RASSF4: variants seen among roughly 807,000 people sequenced by gnomAD.
RASSF4 encodes the protein Ras association domain family member 4.
RASSF4 carries 38 observed loss-of-function variants against 41.1 expected under a neutral mutation model. The observed-to-expected ratio is 0.92, with a 90% CI of 0.71 to 1.21. RASSF4 has a LOEUF of 1.21. Ranked by LOEUF, RASSF4 falls within the 50% of genes most tolerant of loss-of-function variation. The pLI, the probability that RASSF4 is intolerant of heterozygous loss-of-function variation, is 0.00. For missense variants in RASSF4, 414 were observed against 419.4 expected (o/e 0.99, Z 0.11); for synonymous variants, 179 against 163.4 (o/e 1.10, Z -0.73).
In RASSF4 at chr10:44,993,145, C is replaced by A. The variant is rs1027500167; in HGVS notation, c.906-124C>A. 5 of 765,712 alleles carry A rather than the reference C, an allele frequency of 6.5e-6. No individual in the cohort carries two copies. In the African/African-American group the frequency reaches 8.6e-5, roughly 13 times the overall value. 47.4% of individuals were successfully genotyped at this position (765,712 alleles called of 1,614,324 possible). ...AGGCCACAGCCTTCCCCCTCCTTGGCAGAGGAGAGATGAGGCTGCTGCAGG... is the reference window on the plus strand; with the variant it reads ...AGGCCACAGCCTTCCCCCTCCTTGGAAGAGGAGAGATGAGGCTGCTGCAGG... On this transcript the variant is annotated intron_variant, in intron 10 of 10. Coordinates refer to ENST00000340258, the MANE Select transcript of RASSF4 (RefSeq NM_032023.4).
chr10:44,981,502 A>G (rs1157235799), intron 3 of RASSF4: 1 of 152,246 alleles, frequency 6.6e-6, no homozygotes, highest in Non-Finnish European at 1.5e-5. Context: ...ATAAAACATA[A>G]ATAATAAAAT....
intron 3 of RASSF4, among the ~76,000 whole-genome samples, chr10:44,980,162 C>T (rs1228360077): frequency 2.0e-5 from 3 of 152,224 alleles, no homozygotes; most frequent in African/African-American, 2.4e-5. Context: ...CAAGAGGGAC[C>T]GGCAGTCCCA....
chr10:44,976,594 C>G (rs1841436534), intron 3 of RASSF4: 1 of 152,696 alleles, frequency 6.5e-6, no homozygotes, highest in African/African-American at 2.4e-5. Flanking sequence ...TCCAGATGCC[C>G]TGACCTGGGC....
In RASSF4 at chr10:44,969,108, T is replaced by TTG. The variant is rs58639318; in HGVS notation, c.-38-1037_-38-1036dup. 9.4e-3 allele frequency among the ~76,000 whole-genome samples: 1,403 copies of TTG among 149,714 alleles called. 16 individuals carry two copies. The highest frequency in any genetic ancestry group is 0.027 in the African/African-American group (1,116 of 40,610). ...CATGTGATTGTGTATGCGTGTGTTT[T>TTG]TGTGTGTGTGTGTGTGTGTGTATGT... On this transcript the variant is annotated intron_variant, in intron 1 of 10. Coordinates refer to ENST00000340258, the MANE Select transcript of RASSF4 (RefSeq NM_032023.4).
At chr10:44,961,674 A>G (rs1840717180) in intron 1 of RASSF4, among the ~76,000 whole-genome samples, 1 of 152,238 alleles carries the variant, frequency 6.6e-6, no homozygotes, top group Non-Finnish European at 1.5e-5. Context: ...CCCATCTTAC[A>G]GGTCTCCTCA....
chr10:44,970,503 A>G, intron 2 of RASSF4: 1 of 556,062 alleles, frequency 1.8e-6, no homozygotes, highest in Non-Finnish European at 3.2e-6. Context: ...CAGGCACTTT[A>G]TACGAAATAG....
chr10:44,961,380 G>GA (rs1840703199), intron 1 of RASSF4, among the ~76,000 whole-genome samples: 1 of 152,206 alleles, frequency 6.6e-6, no homozygotes, highest in African/African-American at 2.4e-5. Context: ...GAACATGAAC[G>GA]AAACTTGGGT....
At chr10:44,982,869 T>A in intron 4 of RASSF4, 1 of 703,370 alleles carries the variant, frequency 1.4e-6, no homozygotes, top group Non-Finnish European at 2.6e-6. Flanking sequence ...CATTCCAGGC[T>A]CCCATGACCT....
chr10:44,960,819 G>A (rs1840682677), intron 1 of RASSF4, among the ~76,000 whole-genome samples: 1 of 152,246 alleles, frequency 6.6e-6, no homozygotes, highest in Non-Finnish European at 1.5e-5. Flanking sequence ...ACTCACAGAG[G>A]AGCCCCTCGC....
At chr10:44,967,617 C>A (rs72780665) in intron 1 of RASSF4, among the ~76,000 whole-genome samples, 2 of 152,224 alleles carry the variant, frequency 1.3e-5, no homozygotes, top group African/African-American at 4.8e-5. Flanking sequence ...TTATTTATTC[C>A]TGCTGTATGT....
chr10:44,967,498 G>A (rs956395351), intron 1 of RASSF4, among the ~76,000 whole-genome samples: 3 of 152,196 alleles, frequency 2.0e-5, no homozygotes, highest in African/African-American at 7.2e-5. Flanking sequence ...CTTATGAAAC[G>A]CCAAAAGAGT....
chr10:44,966,343 T>A (rs1018507945), intron 1 of RASSF4, among the ~76,000 whole-genome samples: 24 of 152,176 alleles, frequency 1.6e-4, no homozygotes, highest in African/African-American at 5.8e-4. Flanking sequence ...GAAGTAAATG[T>A]AAATCATGCC....
At chr10:44,975,561 C>G (rs1332307640) in intron 3 of RASSF4, among the ~76,000 whole-genome samples, 1 of 127,902 alleles carries the variant, frequency 7.8e-6, no homozygotes, top group Non-Finnish European at 1.7e-5. Context: ...CACCTCCACT[C>G]CCCTCTCTAC....
At chr10:44,963,322 C>G (rs1588781470) in intron 1 of RASSF4, among the ~76,000 whole-genome samples, 1 of 152,280 alleles carries the variant, frequency 6.6e-6, no homozygotes, top group South Asian at 2.1e-4. Flanking sequence ...CATCTACAAC[C>G]AGACAGCCGG....
rs768585233 is a variant in RASSF4, at chr10:44,984,067, A to G, written c.327A>G (p.Pro109=). 6.2e-7 allele frequency: 1 copy of G among 1,607,178 alleles called. No homozygotes were observed. The highest frequency in any genetic ancestry group is 8.5e-7 in the Non-Finnish European group (1 of 1,177,072). ...PQNGNITAQG[P]SIQPVHKAES... is the part of the protein sequence containing the mutation. Reference sequence around the variant, plus strand: ...ACGGGAACATCACAGCCCAGGGGCCAAGCATTCAGCCAGTGCACAAGGCTG... The same window carrying G: ...ACGGGAACATCACAGCCCAGGGGCCGAGCATTCAGCCAGTGCACAAGGCTG... The change falls in exon 5 of 11, where the codon CCA becomes CCG. Residue 109 remains proline, a synonymous_variant. Transcript: ENST00000340258.
chr10:44,979,876 G>T (rs1187034014), intron 3 of RASSF4, among the ~76,000 whole-genome samples: 1 of 152,008 alleles, frequency 6.6e-6, no homozygotes, highest in Non-Finnish European at 1.5e-5. Context: ...CTGGGGCTGG[G>T]GCTGGGGGGC....
intron 3 of RASSF4, among the ~76,000 whole-genome samples, chr10:44,974,554 G>C (rs1458706105): frequency 1.3e-5 from 2 of 152,322 alleles, no homozygotes; most frequent in African/African-American, 2.4e-5. Context: ...TGAGCCCCAA[G>C]CTAAGGGGCT....
chr10:44,968,021 C>T (rs190906254), intron 1 of RASSF4, among the ~76,000 whole-genome samples: 3 of 152,244 alleles, frequency 2.0e-5, no homozygotes, highest in East Asian at 3.9e-4. Context: ...TTAGGGGAGC[C>T]GTGAACTTGC....
At chr10:44,987,045 AAC>A (rs1290106987) in intron 6 of RASSF4, among the ~76,000 whole-genome samples, 3 of 152,214 alleles carry the variant, frequency 2.0e-5, no homozygotes, top group Non-Finnish European at 2.9e-5. Flanking sequence ...GTGCAGAAGA[AAC>A]ACAGTGTCTT....
Sources: allele counts gnomAD v4.1 joint callset (sites outside exome capture counted in the v4.1 genomes callset), GRCh38; gene constraint gnomAD v4.1.1; transcripts MANE v1.5; gene names NCBI Gene and HGNC (gene_info 2026-07-23, HGNC 2026-07-21).